Variants in CNTN4 observed in about 807,000 individuals in gnomAD.
CNTN4 encodes contactin 4.
In CNTN4, 77 loss-of-function variants were observed where a neutral mutation model predicts 122.5. That is an observed-to-expected ratio of 0.63 (90% CI 0.52 to 0.76). The LOEUF is 0.76. Among genes scored for constraint, CNTN4 ranks in the 30% least tolerant of loss-of-function variants. CNTN4 has a pLI of 0.00. For synonymous variants in CNTN4, 512 were observed against 447.0 expected (o/e 1.15, Z -1.83); for missense variants, 1,256 against 1,259.1 (o/e 1.00, Z 0.04).
At chr3:2,169,598 C>T (rs1305239816) in intron 2 of CNTN4, among the ~76,000 whole-genome samples, 6 of 151,836 alleles carry the variant, frequency 4.0e-5, no homozygotes, top group Admixed American at 2.6e-4. Flanking sequence ...GGGGTTTCAC[C>T]CTGCTAGCCA....
chr3:2,148,176 T>G (rs1288819835), intron 2 of CNTN4, among the ~76,000 whole-genome samples: 2 of 152,186 alleles, frequency 1.3e-5, no homozygotes, highest in Non-Finnish European at 2.9e-5. Context: ...TCTGCAGATT[T>G]CACCTTAAAC....
At position 2,387,920 on chromosome 3, in the gene CNTN4, G is replaced by T. The variant is rs184978641; in HGVS notation, c.-89+48687G>T. On this transcript the variant is annotated intron_variant, in intron 3 of 24. Coordinates refer to ENST00000418658, the MANE Select transcript of CNTN4 (RefSeq NM_175607.3). Reference sequence around the variant, plus strand: ...AAAATTGCTCTGTGCCATGCAAGCTGTGAAGTTCTAGAAGAGTACAGTCAG... The same window carrying T: ...AAAATTGCTCTGTGCCATGCAAGCTTTGAAGTTCTAGAAGAGTACAGTCAG... Among the ~76,000 whole-genome samples the T allele has an allele frequency of 6.6e-5, 10 of 152,320 alleles. No homozygotes were observed. In the East Asian group the frequency reaches 1.9e-3, roughly 29 times the overall value.
intron 2 of CNTN4, among the ~76,000 whole-genome samples, chr3:2,272,266 A>G (rs1333839274): frequency 6.6e-6 from 1 of 152,154 alleles, no homozygotes; most frequent in African/African-American, 2.4e-5. Context: ...CCACAATCCC[A>G]GTTTCTTAAA....
chr3:2,628,959 T>C (rs1233577911), intron 4 of CNTN4, among the ~76,000 whole-genome samples: 1 of 152,204 alleles, frequency 6.6e-6, no homozygotes, highest in Non-Finnish European at 1.5e-5. Context: ...CCTATTTGAG[T>C]AAAAATCCAA....
At chr3:2,144,495 A>G (rs1173072192) in intron 2 of CNTN4, among the ~76,000 whole-genome samples, 1 of 152,156 alleles carries the variant, frequency 6.6e-6, no homozygotes, top group Non-Finnish European at 1.5e-5. Context: ...AGAATCATCA[A>G]CCTTGGCTGG....
At chr3:2,146,706 CAGAG>C (rs1178857761) in intron 2 of CNTN4, among the ~76,000 whole-genome samples, 2 of 152,096 alleles carry the variant, frequency 1.3e-5, no homozygotes, top group Non-Finnish European at 2.9e-5. Context: ...ACTCTTCAGA[CAGAG>C]AGGTCTGGTC....
intron 2 of CNTN4, among the ~76,000 whole-genome samples, chr3:2,158,787 T>C (rs1435439238): frequency 6.6e-6 from 1 of 152,234 alleles, no homozygotes; most frequent in Admixed American, 6.5e-5. Context: ...TGTTTCTAGA[T>C]CTTCAATTTC....
rs147712815 is a variant in CNTN4, at chr3:2,729,153, T to C, written c.56-7062T>C. 3.3e-5 allele frequency among the ~76,000 whole-genome samples: 5 copies of C among 152,270 alleles called. No homozygotes were observed. In the East Asian group the frequency reaches 9.7e-4, roughly 29 times the overall value. On this transcript the variant is annotated intron_variant, in intron 4 of 24. Coordinates refer to ENST00000418658, the MANE Select transcript of CNTN4 (RefSeq NM_175607.3). The stretch of plus-strand genomic sequence containing the variant: ...CTTCCAGCAAAAGAAAAGGGTGCTG[T>C]TCTAAGGGTCATGCGGCGAAATGTG...
At chr3:2,578,555 C>T (rs2079797862) in intron 4 of CNTN4, among the ~76,000 whole-genome samples, 1 of 152,202 alleles carries the variant, frequency 6.6e-6, no homozygotes, top group Non-Finnish European at 1.5e-5. Flanking sequence ...AAATAATTCA[C>T]AATTCTACCC....
In CNTN4 at chr3:3,043,653, T is replaced by C. The variant is rs140523676; in HGVS notation, c.2760T>C (p.Asn920=). The C allele has an allele frequency of 2.3e-4, 364 of 1,614,134 alleles. No homozygotes were observed. Among genetic ancestry groups the C allele is most frequent in the Admixed American group, 4.3e-4 (26 of 60,020 alleles). The change falls in exon 23 of 25, where the codon AAT becomes AAC. Residue 920 remains asparagine, a synonymous_variant. Transcript: ENST00000418658. Reference sequence around the variant, plus strand: ...CATCAGACTCCAAAATTATCCTGAATTGGGATCAAGTGAAGGCCCTGGATA... The same window carrying C: ...CATCAGACTCCAAAATTATCCTGAACTGGGATCAAGTGAAGGCCCTGGATA... The part of the protein sequence containing the change: ...WNSSDSKIIL[N]WDQVKALDNE...
chr3:2,626,966 T>A (rs2082213697), intron 4 of CNTN4, among the ~76,000 whole-genome samples: 1 of 152,228 alleles, frequency 6.6e-6, no homozygotes, highest in Non-Finnish European at 1.5e-5. Context: ...TAGTATTTTG[T>A]GTGTCCATAC....
At chr3:2,592,725 C>T (rs2080559225) in intron 4 of CNTN4, among the ~76,000 whole-genome samples, 1 of 152,202 alleles carries the variant, frequency 6.6e-6, no homozygotes, top group Non-Finnish European at 1.5e-5. Context: ...ATTGCCCCAT[C>T]TTGGGCATGT....
At chr3:2,793,053 T>G (rs1177086072) in intron 6 of CNTN4, among the ~76,000 whole-genome samples, 2 of 152,152 alleles carry the variant, frequency 1.3e-5, no homozygotes, top group Non-Finnish European at 2.9e-5. Flanking sequence ...GCAAGTTCAG[T>G]TGCTGAATTA....
At chr3:2,617,462 C>G (rs1388609326) in intron 4 of CNTN4, among the ~76,000 whole-genome samples, 2 of 122,894 alleles carry the variant, frequency 1.6e-5, no homozygotes, top group Non-Finnish European at 3.2e-5. Flanking sequence ...GCACTGTTGC[C>G]CAGGCTGGAG....
At chr3:2,390,914 C>T (rs907501272) in intron 3 of CNTN4, among the ~76,000 whole-genome samples, 4 of 152,066 alleles carry the variant, frequency 2.6e-5, no homozygotes, top group Non-Finnish European at 5.9e-5. Flanking sequence ...GCATTTTCTT[C>T]TTTCAGAAAA....
intron 2 of CNTN4, among the ~76,000 whole-genome samples, chr3:2,250,592 G>T (rs1283509115): frequency 6.6e-6 from 1 of 151,820 alleles, no homozygotes; most frequent in Non-Finnish European, 1.5e-5. Flanking sequence ...TAATTACCCT[G>T]ATCTGATCAC....
chr3:2,206,738 A>G (rs944091781), intron 2 of CNTN4, among the ~76,000 whole-genome samples: 4 of 152,130 alleles, frequency 2.6e-5, no homozygotes, highest in African/African-American at 9.7e-5. Flanking sequence ...TTTGCTTAGT[A>G]TGCATTATTT....
At chr3:2,705,858 TG>T (rs2086686294) in intron 4 of CNTN4, among the ~76,000 whole-genome samples, 1 of 90,074 alleles carries the variant, frequency 1.1e-5, no homozygotes, top group African/African-American at 5.3e-5. Flanking sequence ...ATAATATATG[TG>T]TTTATATATA....
intron 4 of CNTN4, among the ~76,000 whole-genome samples, chr3:2,579,719 G>A (rs891501229): frequency 6.6e-6 from 1 of 152,020 alleles, no homozygotes; most frequent in Non-Finnish European, 1.5e-5. Flanking sequence ...CCAAATGTGG[G>A]AACTATGTTT....
Sources: gnomAD v4.1 joint callset for allele counts (sites outside exome capture counted in the v4.1 genomes callset) on GRCh38, gnomAD v4.1.1 for gene constraint, MANE v1.5 for transcripts, NCBI Gene and HGNC (gene_info 2026-07-23, HGNC 2026-07-21) for gene names.